PNKD: variants seen among roughly 807,000 people sequenced by gnomAD.
PNKD encodes the protein PNKD metallo-beta-lactamase domain containing.
In PNKD, 36 loss-of-function variants were observed where a neutral mutation model predicts 45.3. The ratio of observed to expected loss-of-function variants is 0.80; its 90% confidence interval spans 0.61 to 1.05. PNKD has a LOEUF of 1.05. PNKD is among the 50% of genes least tolerant of loss of function. The pLI is 0.00. For synonymous variants in PNKD, 197 were observed against 210.1 expected (o/e 0.94, Z 0.54); for missense variants, 511 against 506.6 (o/e 1.01, Z -0.08).
At chr2:218,277,773 C>T in intron 2 of PNKD, 2 of 1,556,560 alleles carry the variant, frequency 1.3e-6, no homozygotes, top group Non-Finnish European at 1.8e-6. Flanking sequence ...GGGAACGCCA[C>T]CAAGTTGGAA....
At chr2:218,285,682 A>G (rs1291398558) in intron 2 of PNKD, 2 of 152,384 alleles carry the variant, frequency 1.3e-5, no homozygotes, top group Non-Finnish European at 2.9e-5. Context: ...CTAGCTGTCT[A>G]CATAGAGAGA....
chr2:218,340,118 C>A lies in PNKD; in HGVS notation c.442C>A (p.Pro148Thr), dbSNP rs545078283. ...TQAQLAVAVD[P>T]SDPRAVQASI... is the part of the protein sequence containing the mutation. ...GGCCCAGCTGGCTGTGGCTGTGGAC[C>A]CTTCAGACCCTCGGGCTGTGCAGGT... Residue 148 changes from proline (P) to threonine (T), a missense_variant, in exon 4 of 10, where the codon CCT becomes ACT. Coordinates refer to ENST00000273077, the MANE Select transcript of PNKD (RefSeq NM_015488.5). This position sits in a 1 kb window ranked among gnomAD's most constrained non-coding sequence, Gnocchi z 4.2. The A allele has an allele frequency of 1.3e-4, 211 of 1,612,792 alleles. 4 individuals carry two copies. The South Asian group carries it at 2.2e-3, about 17-fold the overall frequency.
chr2:218,321,012 G>A (rs538733210), intron 2 of PNKD, among the ~76,000 whole-genome samples: 2 of 151,994 alleles, frequency 1.3e-5, no homozygotes, highest in African/African-American at 4.8e-5. Flanking sequence ...TCCCAGTCCC[G>A]CCTTGACTCC....
rs983552513 is a variant in PNKD at position 218,330,877 on chromosome 2, G to A, written c.237-8906G>A. 3.3e-5 allele frequency among the ~76,000 whole-genome samples: 5 copies of A among 152,350 alleles called. No homozygotes were observed. The South Asian group carries it at 6.2e-4, about 19-fold the overall frequency. ...TGCCTGGGAAGCCCATGGAGAGAGC[G>A]TGAACCCACATCTGGGCCTAGGGCA... is the stretch of plus-strand genomic sequence containing the variant. On this transcript the variant is annotated intron_variant, in intron 2 of 9. Transcript: ENST00000273077.
At chr2:218,342,552 T>A (rs1428348541) in intron 7 of PNKD, among the ~76,000 whole-genome samples, 1 of 150,104 alleles carries the variant, frequency 6.7e-6, no homozygotes, top group African/African-American at 2.5e-5. Context: ...ATACAGAAAT[T>A]AGCCGGGCAT....
chr2:218,324,150 G>A (rs1460471252), intron 2 of PNKD, among the ~76,000 whole-genome samples: 1 of 143,090 alleles, frequency 7.0e-6, no homozygotes, highest in Non-Finnish European at 1.6e-5. Context: ...CCCAGGGGAG[G>A]GTGGTGCCTA....
In PNKD at chr2:218,341,618, C is replaced by T. The variant is rs1307603851; in HGVS notation, c.609C>T (p.Tyr203=). 1 of 1,574,716 alleles carries T rather than the reference C, an allele frequency of 6.4e-7. No homozygotes were observed. Residue 203 remains tyrosine (Y), a synonymous_variant, in exon 6 of 10, where the codon TAC becomes TAT. Coordinates refer to ENST00000273077, the MANE Select transcript of PNKD (RefSeq NM_015488.5). Reference sequence around the variant, plus strand: ...GGAGCCCTCAGGACGGCATCCCCTACCTCACCCAGTAAGTCCCTGACCTAG... The same window carrying T: ...GGAGCCCTCAGGACGGCATCCCCTATCTCACCCAGTAAGTCCCTGACCTAG... ...VYGSPQDGIP[Y]LTHPLCHQDV...
chr2:218,341,453 G>C, intron 5 of PNKD, 81 bp from the exon 6 acceptor site: 1 of 879,236 alleles, frequency 1.1e-6, no homozygotes, highest in Non-Finnish European at 1.8e-6. Flanking sequence ...GCACTTAAAG[G>C]CCTGGAGATG....
At chr2:218,334,802 G>GA in intron 2 of PNKD, 1 of 699,596 alleles carries the variant, frequency 1.4e-6, no homozygotes, top group Non-Finnish European at 2.6e-6. Context: ...AGTTAGCCAG[G>GA]TTTCTATGGC....
intron 2 of PNKD, among the ~76,000 whole-genome samples, chr2:218,279,743 A>G (rs1691674770): frequency 6.6e-6 from 1 of 152,212 alleles, no homozygotes; most frequent in South Asian, 2.1e-4. Context: ...AAAGGGAGAA[A>G]GATGTCTGGG....
chr2:218,340,724 G>T lies in PNKD; in HGVS notation c.466-4G>T. On this transcript the variant is annotated splice_polypyrimidine_tract_variant and splice_region_variant and intron_variant, in intron 4 of 9. Transcript: ENST00000273077. The surrounding 1 kb of genome is among the most constrained non-coding windows in gnomAD (Gnocchi z 4.2). ...CCAGTCTCCAAACCTCCTCTCTCTCGCAGGCTTCCATTGAAAAGGAAGGGG... is the reference window on the plus strand; with the variant it reads ...CCAGTCTCCAAACCTCCTCTCTCTCTCAGGCTTCCATTGAAAAGGAAGGGG... The T allele has an allele frequency of 1.2e-6, 2 of 1,612,654 alleles. No individual in the cohort carries two copies. Among genetic ancestry groups the T allele is most frequent in the South Asian group, 1.1e-5 (1 of 91,040 alleles).
chr2:218,297,578 C>T (rs971678373), intron 2 of PNKD, among the ~76,000 whole-genome samples: 4 of 148,110 alleles, frequency 2.7e-5, no homozygotes, highest in South Asian at 2.2e-4. Flanking sequence ...CCAGCTACAC[C>T]GGAGGCTGAG....
At chr2:218,323,235 G>T (rs748897430) in intron 2 of PNKD, 8 of 1,458,478 alleles carry the variant, frequency 5.5e-6, no homozygotes, top group Non-Finnish European at 6.3e-6. Flanking sequence ...GCAACGCCGA[G>T]CCCCGCCCGG....
chr2:218,302,525 G>C (rs2106252837), intron 2 of PNKD, among the ~76,000 whole-genome samples: 1 of 152,330 alleles, frequency 6.6e-6, no homozygotes, highest in East Asian at 1.9e-4. Flanking sequence ...AGCTGAAAGA[G>C]CTTGGCATGT....
At chr2:218,277,001 C>T (rs367710604) in intron 2 of PNKD, 5 of 1,613,476 alleles carry the variant, frequency 3.1e-6, no homozygotes, top group Non-Finnish European at 4.2e-6. Context: ...CTGGGACACT[C>T]ACGTATTGGA....
At chr2:218,293,604 C>T (rs79055579) in intron 2 of PNKD, among the ~76,000 whole-genome samples, 3 of 66,348 alleles carry the variant, frequency 4.5e-5, no homozygotes, top group Non-Finnish European at 1.3e-4. Flanking sequence ...TTTTTTTTTC[C>T]AGACAGGGTC....
intron 2 of PNKD, among the ~76,000 whole-genome samples, chr2:218,331,970 G>A (rs1299671604): frequency 2.0e-5 from 3 of 152,080 alleles, no homozygotes; most frequent in Admixed American, 1.3e-4. Context: ...GGGGGTTTCC[G>A]CCCTTTCACT....
intron 1 of PNKD, 64 bp from the exon 2 acceptor site, chr2:218,271,317 C>G (rs1178577683): frequency 1.0e-5 from 15 of 1,432,896 alleles, no homozygotes; most frequent in Non-Finnish European, 1.5e-5. Flanking sequence ...CCTTACTGCC[C>G]CCCACCTCCC....
intron 2 of PNKD, among the ~76,000 whole-genome samples, chr2:218,313,975 G>C (rs1693691169): frequency 6.9e-6 from 1 of 144,652 alleles, no homozygotes. Context: ...AGGCTGGAGT[G>C]CAGTGGCGCA....
Sources: gnomAD v4.1 joint callset for allele counts (sites outside exome capture counted in the v4.1 genomes callset) on GRCh38, gnomAD v4.1.1 for gene constraint, Gnocchi (gnomAD v3.1) non-coding constraint, MANE v1.5 for transcripts, NCBI Gene and HGNC (gene_info 2026-07-23, HGNC 2026-07-21) for gene names.